Variants in ZNF285 observed in about 807,000 individuals in gnomAD.
The protein encoded by ZNF285 is zinc finger protein 285A.
Under a neutral mutation model 6.2 loss-of-function variants are expected in ZNF285, and 4 were observed. The observed-to-expected ratio is 0.65, with a 90% CI of 0.32 to 1.49. The LOEUF (loss-of-function observed/expected upper bound fraction) is 1.49. Ranked by LOEUF, ZNF285 falls within the 40% of genes most tolerant of loss-of-function variation. ZNF285 has a pLI of 0.07. For missense variants in ZNF285, 695 were observed against 708.8 expected, an observed-to-expected ratio of 0.98 and a Z score of 0.22; for synonymous variants, 240 against 245.8, an observed-to-expected ratio of 0.98 and a Z score of 0.22.
intron 3 of ZNF285, among the ~76,000 whole-genome samples, chr19:44,390,641 T>G (rs537012129): frequency 1.3e-5 from 2 of 152,164 alleles, no homozygotes; most frequent in African/African-American, 4.8e-5. Flanking sequence ...GGAGGCATCA[T>G]TGGCTTTGAA....
At chr19:44,388,157 G>A in intron 3 of ZNF285, 55 bp from the exon 4 acceptor site, 3 of 1,524,334 alleles carry the variant, frequency 2.0e-6, no homozygotes, top group Non-Finnish European at 2.7e-6. Flanking sequence ...CCATCCAGAG[G>A]TTTTGAGAAA....
chr19:44,383,507 T>G lies in ZNF285; in HGVS notation c.*2965A>C, dbSNP rs1419643795. Reference sequence around the variant, plus strand: ...CCATCATAAAACAGCCAGGCCCAGATGAACCATCAGCTGACTGCAGATGCA... The same window carrying G: ...CCATCATAAAACAGCCAGGCCCAGAGGAACCATCAGCTGACTGCAGATGCA... On this transcript the variant is annotated 3_prime_UTR_variant, in exon 4 of 4. Transcript: ENST00000614994. 6.6e-6 allele frequency: 1 copy of G among 152,180 alleles called. No individual in the cohort carries two copies. Among genetic ancestry groups the G allele is most frequent in the Non-Finnish European group, 1.5e-5 (1 of 68,054 alleles). The allele number at this position is 152,180 out of a possible 1,614,324, so 9.4% of individuals were successfully genotyped here.
intron 2 of ZNF285, chr19:44,394,565 A>G: frequency 1.7e-6 from 1 of 592,556 alleles, no homozygotes; most frequent in Non-Finnish European, 3.0e-6. Context: ...GGAAAGAAGA[A>G]AAGAAAATTT....
In ZNF285 at chr19:44,385,101, A is replaced by G. The variant is rs1599951664; in HGVS notation, c.*1371T>C. On this transcript the variant is annotated 3_prime_UTR_variant, in exon 4 of 4. Transcript: ENST00000614994. Reference sequence around the variant, plus strand: ...TTGGGGGGAAACTGACAGAAAGAGCATCCTTTAAAAACCCATTATTATACA... The same window carrying G: ...TTGGGGGGAAACTGACAGAAAGAGCGTCCTTTAAAAACCCATTATTATACA... The G allele has an allele frequency of 1.3e-5, 2 of 152,188 alleles. No individual in the cohort carries two copies. The highest frequency in any genetic ancestry group is 2.4e-5 in the African/African-American group (1 of 41,514). 9.4% of individuals were successfully genotyped at this position (152,188 alleles called of 1,614,324 possible). A position where few individuals can be genotyped will look rare whatever the true frequency, so the allele number is the denominator to read the frequency against.
intron 1 of ZNF285, among the ~76,000 whole-genome samples, chr19:44,401,075 C>A (rs1337635774): frequency 2.0e-5 from 3 of 152,028 alleles, no homozygotes; most frequent in Non-Finnish European, 4.4e-5. Context: ...CCTAGGGGTG[C>A]TGAGCCAGAA....
In ZNF285 at chr19:44,383,152, T is replaced by C. The variant is rs1002846057; in HGVS notation, c.*3320A>G. Reference sequence around the variant, plus strand: ...CCGATAATTTTAAAACAGCCTTCAATTGGTCAAATTTTACAGGTGGATTTG... The same window carrying C: ...CCGATAATTTTAAAACAGCCTTCAACTGGTCAAATTTTACAGGTGGATTTG... On this transcript the variant is annotated 3_prime_UTR_variant, in exon 4 of 4. Transcript: ENST00000614994. 2.4e-4 allele frequency: 37 copies of C among 152,356 alleles called. No individual in the cohort carries two copies. The highest frequency in any genetic ancestry group is 8.9e-4 in the African/African-American group (37 of 41,586). The allele number at this position is 152,356 out of a possible 1,614,324, so 9.4% of individuals were successfully genotyped here.
Position 44,387,102 on chromosome 19 carries a change from A to G in ZNF285, c.1143T>C (p.Phe381=), listed in dbSNP as rs763722712. The G allele has an allele frequency of 3.7e-6, 6 of 1,614,098 alleles. No individual in the cohort carries two copies. The East Asian group carries it at 1.1e-4, about 30-fold the overall frequency. The part of the protein sequence containing the change: ...PYKCEECGKG[F]DQSSNLLVHQ... ...GGACAAGAAGGTTGGAGCTCTGATCAAAGCCCTTCCCACACTCTTCACATT... is the reference window on the plus strand; with the variant it reads ...GGACAAGAAGGTTGGAGCTCTGATCGAAGCCCTTCCCACACTCTTCACATT... Residue 381 remains phenylalanine, a synonymous_variant, in exon 4 of 4, where the codon TTT becomes TTC. Transcript: ENST00000614994.
Position 44,387,409 on chromosome 19 carries a change from C to A in ZNF285, c.836G>T (p.Cys279Phe). ...FSQSQDLIVHCKTHSGKTPYE... is the reference protein window; with the variant it reads ...FSQSQDLIVHFKTHSGKTPYE... ...GGGAGTCTTGCCAGAGTGAGTTTTACAATGAACGATAAGATCTTGGCTCTG... is the reference window on the plus strand; with the variant it reads ...GGGAGTCTTGCCAGAGTGAGTTTTAAAATGAACGATAAGATCTTGGCTCTG... The change falls in exon 4 of 4, where the codon TGT becomes TTT. Residue 279 changes from cysteine (C) to phenylalanine (F), a missense_variant. Transcript: ENST00000614994. The A allele has an allele frequency of 6.2e-7, 1 of 1,614,126 alleles. No individual in the cohort carries two copies. Among genetic ancestry groups the A allele is most frequent in the Non-Finnish European group, 8.5e-7 (1 of 1,180,018 alleles).
chr19:44,392,185 C>A, intron 3 of ZNF285, 155 bp downstream of exon 3: 2 of 1,499,042 alleles, frequency 1.3e-6, no homozygotes, highest in Non-Finnish European at 1.8e-6. Flanking sequence ...TGTAAAAGCT[C>A]ATTAACTGTA....
rs927061005 is a variant in ZNF285, at chr19:44,384,345, G to A, written c.*2127C>T. ...CCTAAAAATACATTCTGAGAAGCAGGATCATTGGCTCAAAGACAATGCACA... is the reference window on the plus strand; with the variant it reads ...CCTAAAAATACATTCTGAGAAGCAGAATCATTGGCTCAAAGACAATGCACA... On this transcript the variant is annotated 3_prime_UTR_variant, in exon 4 of 4. Coordinates refer to ENST00000614994, the MANE Select transcript of ZNF285 (RefSeq NM_152354.6). The A allele has an allele frequency of 6.6e-6, 1 of 152,052 alleles. No homozygotes were observed. The highest frequency in any genetic ancestry group is 2.4e-5 in the African/African-American group (1 of 41,380). The allele number at this position is 152,052 out of a possible 1,614,324, so 9.4% of individuals were successfully genotyped here. A position where few individuals can be genotyped will look rare whatever the true frequency, so the allele number is the denominator to read the frequency against.
intron 1 of ZNF285, among the ~76,000 whole-genome samples, chr19:44,399,051 A>T (rs1422206851): frequency 1.3e-5 from 2 of 151,906 alleles, no homozygotes; most frequent in Non-Finnish European, 2.9e-5. Context: ...ATAAGACAAA[A>T]TTTTCAACAT....
At position 44,401,582 on chromosome 19, in the gene ZNF285, C is replaced by T. The variant is rs556655800; in HGVS notation, c.-58G>A. 6.6e-6 allele frequency: 1 copy of T among 152,276 alleles called. No homozygotes were observed. The highest frequency in any genetic ancestry group is 1.9e-4 in the East Asian group (1 of 5,188). 9.4% of individuals were successfully genotyped at this position (152,276 alleles called of 1,614,324 possible). On this transcript the variant is annotated 5_prime_UTR_variant, in exon 1 of 4. Transcript: ENST00000614994. ...ACGGGACTCACCCCAGCGTCCCAAA[C>T]AATGTCGCCCGCAGCGTGCGTCCAG...
chr19:44,386,717 T>G lies in ZNF285; in HGVS notation c.1528A>C (p.Lys510Gln). ...HLHQRDHIRE[K>Q]PYKCDECGKG... is the part of the protein sequence containing the mutation. ...CCACACTCATCACATTTATATGGTT[T>G]CTCTCTGATGTGATCTCTTTGATGT... Residue 510 changes from lysine to glutamine, a missense_variant, in exon 4 of 4, where the codon AAA becomes CAA. Coordinates refer to ENST00000614994, the MANE Select transcript of ZNF285 (RefSeq NM_152354.6). 6.2e-7 allele frequency: 1 copy of G among 1,614,208 alleles called. No homozygotes were observed. The highest frequency in any genetic ancestry group is 8.5e-7 in the Non-Finnish European group (1 of 1,180,022).
chr19:44,392,522 C>G (rs1348587302), intron 2 of ZNF285, 56 bp from the exon 3 acceptor site: 2 of 1,613,474 alleles, frequency 1.2e-6, no homozygotes, highest in Non-Finnish European at 1.7e-6. Flanking sequence ...TGGTCTTAGT[C>G]TGTTTGGGCT....
In ZNF285 at chr19:44,386,357, G is replaced by C. The variant is rs182847893; in HGVS notation, c.*115C>G. 9.0e-7 allele frequency: 1 copy of C among 1,116,280 alleles called. No homozygotes were observed. Among genetic ancestry groups the C allele is most frequent in the Non-Finnish European group, 1.3e-6 (1 of 799,050 alleles). The allele number at this position is 1,116,280 out of a possible 1,614,324, so 69.1% of individuals were successfully genotyped here. On this transcript the variant is annotated 3_prime_UTR_variant, in exon 4 of 4. Coordinates refer to ENST00000614994, the MANE Select transcript of ZNF285 (RefSeq NM_152354.6). ...TTCAGTGCTGCAGGCTGACATTATC[G>C]ATGGCAGTGTCCCTGTCTTTTGCTC... is the stretch of plus-strand genomic sequence containing the variant.
At chr19:44,397,874 T>C (rs1262591709) in intron 1 of ZNF285, among the ~76,000 whole-genome samples, 1 of 133,694 alleles carries the variant, frequency 7.5e-6, no homozygotes, top group Non-Finnish European at 1.5e-5. Flanking sequence ...ACAGACTTTG[T>C]CTCAAAAGAG....
chr19:44,393,552 A>C (rs1568388061), intron 2 of ZNF285, among the ~76,000 whole-genome samples: 2 of 152,108 alleles, frequency 1.3e-5, no homozygotes, highest in South Asian at 4.1e-4. Context: ...GTAGATTGCA[A>C]ACATTTTCTC....
chr19:44,386,545 T>A lies in ZNF285; in HGVS notation c.1700A>T (p.Gln567Leu), dbSNP rs767865868. 4.3e-6 allele frequency: 7 copies of A among 1,614,064 alleles called. No homozygotes were observed. In the African/African-American group the frequency reaches 9.3e-5, roughly 22 times the overall value. The change falls in exon 4 of 4, where the codon CAG becomes CTG. Residue 567 changes from glutamine (Q) to leucine (L), a missense_variant. Gln to Leu is a moderately radical substitution (Grantham distance 113). Transcript: ENST00000614994. ...CTTTCCACGCTCACAGTGTGTGTAC[T>A]GTGTCTCATCTATATGCACTCTCTG... ...AHQRVHIDET[Q>L]YTHCERGKDL...
rs372299793 is a variant in ZNF285, at chr19:44,387,618, A to T, written c.627T>A (p.Cys209Ter). 4.3e-6 allele frequency: 7 copies of T among 1,613,738 alleles called. No individual in the cohort carries two copies. In the African/African-American group the frequency reaches 8.0e-5, roughly 18 times the overall value. ...TTGATTTCATACCCAAGTTTTTCCC[A>T]CAGCTGGGATGTCTACCAGGGTCCT... ...KGEDPGRHPS[C>*]GKNLGMKSTV... Residue 209 changes from cysteine (C) to a stop codon, truncating the protein, a stop_gained, in exon 4 of 4, where the codon TGT becomes TGA. Transcript: ENST00000614994. LOFTEE classifies it low-confidence loss of function (END_TRUNC).
Sources: allele counts gnomAD v4.1 joint callset (sites outside exome capture counted in the v4.1 genomes callset), GRCh38; gene constraint gnomAD v4.1.1; transcripts MANE v1.5; gene names NCBI Gene and HGNC (gene_info 2026-07-23, HGNC 2026-07-21).